Variants in HS3ST2 observed in about 807,000 individuals in gnomAD.
HS3ST2 encodes the protein heparan sulfate glucosamine 3-O-sulfotransferase 2.
A neutral mutation model predicts 26.3 loss-of-function variants in HS3ST2; 17 were observed. The observed-to-expected ratio is 0.65, with a 90% CI of 0.44 to 0.97. The LOEUF is 0.97. HS3ST2 is among the 50% of genes least tolerant of loss of function. HS3ST2 has a pLI of 0.00. For missense variants in HS3ST2, 402 were observed against 501.2 expected, an observed-to-expected ratio of 0.80 and a Z score of 1.89; for synonymous variants, 237 against 219.2, an observed-to-expected ratio of 1.08 and a Z score of -0.72.
intron 1 of HS3ST2, among the ~76,000 whole-genome samples, chr16:22,885,414 A>G (rs915498298): frequency 2.7e-5 from 4 of 150,880 alleles, no homozygotes; most frequent in East Asian, 1.9e-4. Flanking sequence ...ACCTCACTCT[A>G]TGTCATTGTG....
Position 22,868,285 on chromosome 16 carries a change from C to T in HS3ST2, c.486-46659C>T, listed in dbSNP as rs1182463816. Among the ~76,000 whole-genome samples the T allele has an allele frequency of 5.3e-5, 8 of 151,392 alleles. No individual in the cohort carries two copies. The East Asian group carries it at 7.8e-4, about 15-fold the overall frequency. On this transcript the variant is annotated intron_variant, in intron 1 of 1. Transcript: ENST00000261374. ...TTAGCTGGGCGTGGTGGCATGCACCCGTAGTCCCAGCTACCTGGGAGGCTG... is the reference window on the plus strand; with the variant it reads ...TTAGCTGGGCGTGGTGGCATGCACCTGTAGTCCCAGCTACCTGGGAGGCTG...
At chr16:22,900,666 TG>T (rs1902271321) in intron 1 of HS3ST2, among the ~76,000 whole-genome samples, 2 of 149,748 alleles carry the variant, frequency 1.3e-5, no homozygotes, top group South Asian at 4.2e-4. Context: ...GAATGGTCAG[TG>T]GGGGGCAGGG....
intron 1 of HS3ST2, among the ~76,000 whole-genome samples, chr16:22,864,031 A>T (rs1901714688): frequency 6.6e-6 from 1 of 152,220 alleles, no homozygotes; most frequent in South Asian, 2.1e-4. Flanking sequence ...ATATAAACTT[A>T]AAAACCAAAA....
At chr16:22,851,255 G>A (rs1335087974) in intron 1 of HS3ST2, among the ~76,000 whole-genome samples, 1 of 152,210 alleles carries the variant, frequency 6.6e-6, no homozygotes, top group Admixed American at 6.5e-5. Context: ...AGGGAAGGGA[G>A]GAACTGATGG....
rs377092837 is a variant in HS3ST2 at position 22,847,941 on chromosome 16, A to AGGAG, written c.485+32854_485+32857dup. Among the ~76,000 whole-genome samples, 198 of 151,268 alleles carry AGGAG rather than the reference A, an allele frequency of 1.3e-3. 3 individuals are homozygous for AGGAG. The highest frequency in any genetic ancestry group is 0.012 in the East Asian group (61 of 5,146). The stretch of plus-strand genomic sequence containing the variant: ...AGGAAGAAAAGGAAGGAAGGAAGGA[A>AGGAG]GGAGGGAGGGAAGAAAAGAAAGAGT... On this transcript the variant is annotated intron_variant, in intron 1 of 1. Coordinates refer to ENST00000261374, the MANE Select transcript of HS3ST2 (RefSeq NM_006043.2).
intron 1 of HS3ST2, among the ~76,000 whole-genome samples, chr16:22,890,899 G>A (rs868258492): frequency 1.3e-5 from 2 of 152,120 alleles, no homozygotes; most frequent in African/African-American, 4.8e-5. Flanking sequence ...CCAATTCTCC[G>A]CATTCAGCAA....
chr16:22,864,942 T>C (rs1362168353), intron 1 of HS3ST2, among the ~76,000 whole-genome samples: 1 of 138,682 alleles, frequency 7.2e-6, no homozygotes, highest in Non-Finnish European at 1.5e-5. Flanking sequence ...TCCCAGCTAC[T>C]CAGGAGGCTG....
chr16:22,864,579 G>A (rs1021671449), intron 1 of HS3ST2, among the ~76,000 whole-genome samples: 4 of 152,152 alleles, frequency 2.6e-5, no homozygotes, highest in African/African-American at 9.7e-5. Flanking sequence ...CCCCTCCTGG[G>A]GGTGAAGGGG....
chr16:22,914,157 G>A (rs1281873422), intron 1 of HS3ST2, among the ~76,000 whole-genome samples: 2 of 150,884 alleles, frequency 1.3e-5, no homozygotes, highest in Non-Finnish European at 3.0e-5. Flanking sequence ...AAAAAAAAAA[G>A]CAATTCTCAT....
chr16:22,906,215 C>CA (rs1416122095), intron 1 of HS3ST2, among the ~76,000 whole-genome samples: 9 of 151,842 alleles, frequency 5.9e-5, no homozygotes, highest in African/African-American at 1.9e-4. Flanking sequence ...ACTAAAAATA[C>CA]AAAAAATTAG....
intron 1 of HS3ST2, among the ~76,000 whole-genome samples, chr16:22,833,080 C>T (rs1169649535): frequency 2.6e-5 from 4 of 152,220 alleles, no homozygotes. Flanking sequence ...CAAGACCTCA[C>T]TCCCCAGCCT....
At chr16:22,895,400 T>A (rs992812249) in intron 1 of HS3ST2, among the ~76,000 whole-genome samples, 32 of 152,312 alleles carry the variant, frequency 2.1e-4, no homozygotes, top group African/African-American at 7.7e-4. Context: ...ATTCACTTTG[T>A]CTCATTTAAT....
At chr16:22,866,179 C>G (rs936818930) in intron 1 of HS3ST2, among the ~76,000 whole-genome samples, 8 of 150,356 alleles carry the variant, frequency 5.3e-5, no homozygotes, top group African/African-American at 7.4e-5. Context: ...AAAATAGACT[C>G]AAATCTTGAA....
At chr16:22,851,800 G>T (rs919765211) in intron 1 of HS3ST2, among the ~76,000 whole-genome samples, 2 of 152,170 alleles carry the variant, frequency 1.3e-5, no homozygotes, top group African/African-American at 4.8e-5. Flanking sequence ...CTCCACTGGG[G>T]CAAGGTATGC....
At chr16:22,833,927 TA>T (rs564761218) in intron 1 of HS3ST2, among the ~76,000 whole-genome samples, 56 of 151,918 alleles carry the variant, frequency 3.7e-4, no homozygotes, top group African/African-American at 1.1e-3. Context: ...ATTGTTCAGC[TA>T]AAAAAACAAA....
rs1026773791 is a variant in HS3ST2, at chr16:22,880,331, C to T, written c.486-34613C>T. Among the ~76,000 whole-genome samples, 6 of 152,086 alleles carry T rather than the reference C, an allele frequency of 3.9e-5. No homozygotes were observed. In the East Asian group the frequency reaches 5.8e-4, roughly 15 times the overall value. On this transcript the variant is annotated intron_variant, in intron 1 of 1. Coordinates refer to ENST00000261374, the MANE Select transcript of HS3ST2 (RefSeq NM_006043.2). ...ACATGGGAGGCTGAAATGGGAGGAT[C>T]GCTTCAACCTGGGAGGTTGAGGCTG...
intron 1 of HS3ST2, among the ~76,000 whole-genome samples, chr16:22,877,269 G>T (rs1404222144): frequency 6.6e-6 from 1 of 152,200 alleles, no homozygotes; most frequent in East Asian, 1.9e-4. Flanking sequence ...ATTCCCCAAA[G>T]AGCCTTCTGT....
chr16:22,880,273 G>A (rs1186738712), intron 1 of HS3ST2, among the ~76,000 whole-genome samples: 1 of 152,038 alleles, frequency 6.6e-6, no homozygotes, highest in Non-Finnish European at 1.5e-5. Context: ...TAAAAAATTA[G>A]CTGGGTGTGG....
At chr16:22,874,915 C>G (rs1901892487) in intron 1 of HS3ST2, among the ~76,000 whole-genome samples, 1 of 152,166 alleles carries the variant, frequency 6.6e-6, no homozygotes, top group South Asian at 2.1e-4. Context: ...TCCCAAATCA[C>G]ATACAGGGAA....
Sources: allele counts gnomAD v4.1 joint callset (sites outside exome capture counted in the v4.1 genomes callset), GRCh38; gene constraint gnomAD v4.1.1; transcripts MANE v1.5; gene names NCBI Gene and HGNC (gene_info 2026-07-23, HGNC 2026-07-21).